GRIA1: variants seen among roughly 807,000 people sequenced by gnomAD.
GRIA1 encodes glutamate receptor 1.
GRIA1 carries 31 observed loss-of-function variants against 99.2 expected under a neutral mutation model. The ratio of observed to expected loss-of-function variants is 0.31; its 90% CI spans 0.23 to 0.42. The LOEUF (loss-of-function observed/expected upper bound fraction) is 0.42. Among genes scored for constraint, GRIA1 ranks in the 10% least tolerant of loss-of-function variants. GRIA1 has a pLI of 1.00. For synonymous variants in GRIA1, 438 were observed against 432.4 expected, an observed-to-expected ratio of 1.01 and a Z score of -0.16; for missense variants, 782 against 1,157.5, an observed-to-expected ratio of 0.68 and a Z score of 4.71.
intron 2 of GRIA1, chr5:153,573,267 TA>T (rs1762275655): frequency 6.6e-6 from 1 of 152,180 alleles, no homozygotes; most frequent in Admixed American, 6.5e-5. Context: ...GGAGGACATT[TA>T]CAAGGTGAGG....
intron 2 of GRIA1, among the ~76,000 whole-genome samples, chr5:153,517,908 C>G (rs1756777829): frequency 6.6e-6 from 1 of 152,200 alleles, no homozygotes; most frequent in African/African-American, 2.4e-5. Context: ...CCTTGGCCTA[C>G]AAGGCCCTCC....
intron 13 of GRIA1, among the ~76,000 whole-genome samples, chr5:153,778,897 T>C (rs1465612558): frequency 6.6e-6 from 1 of 152,144 alleles, no homozygotes; most frequent in African/African-American, 2.4e-5. Context: ...GGTGGATGTC[T>C]TACCCTATAA....
intron 15 of GRIA1, 47 bp downstream of exon 15, chr5:153,802,537 A>G: frequency 4.4e-6 from 7 of 1,604,816 alleles, no homozygotes; most frequent in Non-Finnish European, 6.0e-6. Flanking sequence ...TCTGTGATGC[A>G]GCTGGGTTTC....
chr5:153,516,153 G>A (rs1287495624), intron 2 of GRIA1, among the ~76,000 whole-genome samples: 1 of 152,128 alleles, frequency 6.6e-6, no homozygotes, highest in Non-Finnish European at 1.5e-5. Flanking sequence ...CTGGGAGGCA[G>A]AGATTTCAGT....
chr5:153,740,447 A>G (rs1009138548), intron 11 of GRIA1, among the ~76,000 whole-genome samples: 2 of 152,230 alleles, frequency 1.3e-5, no homozygotes, highest in Non-Finnish European at 2.9e-5. Context: ...GTAGCCTTTC[A>G]TAGTCACAGC....
chr5:153,748,818 C>A (rs962921238), intron 11 of GRIA1, among the ~76,000 whole-genome samples: 1 of 152,128 alleles, frequency 6.6e-6, no homozygotes. Flanking sequence ...TATTTATTTG[C>A]ACATTTTTTG....
chr5:153,528,513 C>A (rs1019799331), intron 2 of GRIA1, among the ~76,000 whole-genome samples: 5 of 152,164 alleles, frequency 3.3e-5, no homozygotes, highest in African/African-American at 7.2e-5. Context: ...GCAAGGCCAA[C>A]CCCAGAATTT....
intron 2 of GRIA1, among the ~76,000 whole-genome samples, chr5:153,604,388 G>A (rs1337805962): frequency 2.6e-5 from 4 of 152,158 alleles, no homozygotes; most frequent in Non-Finnish European, 4.4e-5. Flanking sequence ...AAAAAAAACA[G>A]TTGCTAACCT....
intron 2 of GRIA1, among the ~76,000 whole-genome samples, chr5:153,579,656 G>A (rs72802628): frequency 0.11 from 16,089 of 152,230 alleles, 953 homozygotes; most frequent in South Asian, 0.25. Flanking sequence ...TTTTCTCAAA[G>A]CATGTTTTTC....
chr5:153,574,870 T>C (rs1426332318), intron 2 of GRIA1, among the ~76,000 whole-genome samples: 1 of 152,102 alleles, frequency 6.6e-6, no homozygotes, highest in African/African-American at 2.4e-5. Context: ...ACCTAGGGCA[T>C]ACTCTAGATA....
At chr5:153,552,356 T>C (rs1387766076) in intron 2 of GRIA1, among the ~76,000 whole-genome samples, 1 of 152,174 alleles carries the variant, frequency 6.6e-6, no homozygotes, top group African/African-American at 2.4e-5. Context: ...TTTGCTGCTG[T>C]CCATACCAGC....
At chr5:153,585,456 C>T (rs1763399485) in intron 2 of GRIA1, among the ~76,000 whole-genome samples, 1 of 151,792 alleles carries the variant, frequency 6.6e-6, no homozygotes, top group African/African-American at 2.4e-5. Flanking sequence ...CTACAGGCAC[C>T]CACAACCATG....
chr5:153,702,226 G>A (rs1283836487), intron 10 of GRIA1, among the ~76,000 whole-genome samples: 2 of 152,234 alleles, frequency 1.3e-5, no homozygotes, highest in Non-Finnish European at 2.9e-5. Context: ...GATGCCATAT[G>A]CTGCAAATGA....
chr5:153,600,349 G>T (rs914403729), intron 2 of GRIA1, among the ~76,000 whole-genome samples: 1 of 131,136 alleles, frequency 7.6e-6, no homozygotes, highest in South Asian at 2.5e-4. Context: ...CCGAGATCGC[G>T]CCGCTGCACT....
At chr5:153,685,962 A>G in intron 7 of GRIA1, among the ~76,000 whole-genome samples, 1 of 152,214 alleles carries the variant, frequency 6.6e-6, no homozygotes, top group East Asian at 1.9e-4. Flanking sequence ...ATTTCACATT[A>G]GTATGCACTC....
At chr5:153,747,551 C>G (rs192325391) in intron 11 of GRIA1, among the ~76,000 whole-genome samples, 3 of 152,196 alleles carry the variant, frequency 2.0e-5, no homozygotes, top group African/African-American at 7.2e-5. Context: ...GCATCCAGCT[C>G]AGAGTTGGTT....
At chr5:153,647,275 C>A in intron 3 of GRIA1, 108 bp downstream of exon 3, 2 of 1,315,034 alleles carry the variant, frequency 1.5e-6, no homozygotes, top group Non-Finnish European at 2.1e-6. Context: ...GGAAAATTAT[C>A]CAAAATGCTT....
chr5:153,708,813 C>T (rs1759104159), intron 11 of GRIA1, among the ~76,000 whole-genome samples: 1 of 152,186 alleles, frequency 6.6e-6, no homozygotes, highest in South Asian at 2.1e-4. Context: ...CCTAAGACTC[C>T]TCCTCATAGG....
At chr5:153,550,937 G>A (rs1184816333) in intron 2 of GRIA1, among the ~76,000 whole-genome samples, 1 of 152,188 alleles carries the variant, frequency 6.6e-6, no homozygotes, top group Non-Finnish European at 1.5e-5. Context: ...TGTGCACAAT[G>A]TGCAGGTTAG....
Sources: gnomAD v4.1 joint callset for allele counts (sites outside exome capture counted in the v4.1 genomes callset) on GRCh38, gnomAD v4.1.1 for gene constraint, MANE v1.5 for transcripts, NCBI Gene and HGNC (gene_info 2026-07-23, HGNC 2026-07-21) for gene names.